The following CELF2 variants were observed in gnomAD, a reference collection of about 807,000 sequenced individuals.
CELF2 encodes the protein CUGBP Elav-like family member 2.
A neutral mutation model predicts 62.6 loss-of-function variants in CELF2; 8 were observed. The ratio of observed to expected loss-of-function variants is 0.13; its 90% CI spans 0.07 to 0.23. CELF2 has a LOEUF of 0.23. Ranked by LOEUF, CELF2 falls within the 10% of genes least tolerant of loss-of-function variation. The pLI is 1.00. For missense variants in CELF2, 333 were observed against 671.0 expected (o/e 0.50, Z 5.56); for synonymous variants, 258 against 250.0 (o/e 1.03, Z -0.30).
At chr10:10,687,365 G>A in the CELF2 span, among the ~76,000 whole-genome samples, 126 of 152,148 alleles carry the variant, frequency 8.3e-4, no homozygotes, top group Middle Eastern at 0.014. Flanking sequence ...CCTGTAAATG[G>A]GAACCTGGGA....
At chr10:10,653,257 C>G in the CELF2 span, among the ~76,000 whole-genome samples, 1 of 152,084 alleles carries the variant, frequency 6.6e-6, no homozygotes, top group Non-Finnish European at 1.5e-5. Flanking sequence ...GACTCCCACA[C>G]ATTCATAATG....
intron 5 of CELF2, among the ~76,000 whole-genome samples, chr10:11,262,940 CTTTTTT>C (rs553831640): frequency 0.086 from 4,550 of 52,774 alleles, 450 homozygotes; most frequent in African/African-American, 0.3. Context: ...AGTGGCTTTA[CTTTTTT>C]TTTTTTTTTT....
chr10:10,704,596 T>C, the CELF2 span, among the ~76,000 whole-genome samples: 1 of 152,162 alleles, frequency 6.6e-6, no homozygotes, highest in African/African-American at 2.4e-5. Context: ...AAAAGGCTGG[T>C]GATCAGCATC....
At chr10:10,781,772 CA>C in the CELF2 span, among the ~76,000 whole-genome samples, 8 of 152,290 alleles carry the variant, frequency 5.3e-5, no homozygotes, top group African/African-American at 1.9e-4. Flanking sequence ...CCCACAATGA[CA>C]AAATCACCTA....
the CELF2 span, among the ~76,000 whole-genome samples, chr10:10,475,429 C>T: frequency 6.6e-6 from 1 of 150,846 alleles, no homozygotes; most frequent in Non-Finnish European, 1.5e-5. Flanking sequence ...GACTTACCAA[C>T]ATCGCAATTA....
intron 3 of CELF2, among the ~76,000 whole-genome samples, chr10:11,230,519 G>A (rs961638358): frequency 3.3e-5 from 5 of 152,206 alleles, no homozygotes; most frequent in African/African-American, 9.6e-5. Flanking sequence ...GAGATCCTCT[G>A]GAGAGGCTGC....
chr10:10,615,676 G>A, the CELF2 span, among the ~76,000 whole-genome samples: 2 of 152,164 alleles, frequency 1.3e-5, no homozygotes, highest in Admixed American at 1.3e-4. Flanking sequence ...AGATCTGGTT[G>A]TTTAAAAGTG....
At chr10:10,465,746 G>A in the CELF2 span, among the ~76,000 whole-genome samples, 23 of 152,088 alleles carry the variant, frequency 1.5e-4, no homozygotes, top group Non-Finnish European at 2.5e-4. Context: ...CCATCCTAGT[G>A]GAAGATGGGT....
chr10:11,258,681 G>A (rs1031167542), intron 5 of CELF2, among the ~76,000 whole-genome samples: 3 of 152,178 alleles, frequency 2.0e-5, no homozygotes, highest in Non-Finnish European at 4.4e-5. Context: ...AGTCCAAGGT[G>A]GAAATGTATA....
chr10:10,573,249 ATTAAACCT>A, the CELF2 span, among the ~76,000 whole-genome samples: 1 of 152,178 alleles, frequency 6.6e-6, no homozygotes, highest in Non-Finnish European at 1.5e-5. Flanking sequence ...GATTCTGGAT[ATTAAACCT>A]TTGTCAGATG....
the CELF2 span, among the ~76,000 whole-genome samples, chr10:10,615,733 G>C: frequency 6.6e-6 from 1 of 152,138 alleles, no homozygotes; most frequent in Non-Finnish European, 1.5e-5. Flanking sequence ...CATGTAAGAT[G>C]TGCTTGCTTC....
intron 2 of CELF2, among the ~76,000 whole-genome samples, chr10:11,173,781 A>G (rs544473258): frequency 3.3e-5 from 5 of 152,336 alleles, no homozygotes; most frequent in Admixed American, 2.6e-4. Flanking sequence ...ACAGCCATGA[A>G]TAAGTACAGA....
intron 1 of CELF2, among the ~76,000 whole-genome samples, chr10:10,836,722 G>A (rs904741170): frequency 2.6e-5 from 4 of 152,186 alleles, no homozygotes; most frequent in Non-Finnish European, 5.9e-5. Flanking sequence ...TGCAACCTCT[G>A]CCTCCCAGGT....
intron 3 of CELF2, among the ~76,000 whole-genome samples, chr10:11,236,883 G>C (rs993178712): frequency 6.6e-6 from 1 of 152,240 alleles, no homozygotes; most frequent in Admixed American, 6.5e-5. Flanking sequence ...GGGGTTGCCT[G>C]ATTCCACTAG....
At chr10:10,636,165 A>G in the CELF2 span, among the ~76,000 whole-genome samples, 6 of 152,208 alleles carry the variant, frequency 3.9e-5, no homozygotes, top group Admixed American at 6.5e-5. Context: ...TCAATAATAT[A>G]TACACAAGAA....
Position 11,165,531 on chromosome 10 carries a change from C to A in CELF2, c.120C>A (p.Asp40Glu). 2.5e-6 allele frequency: 4 copies of A among 1,614,206 alleles called. No homozygotes were observed. The highest frequency in any genetic ancestry group is 3.4e-6 in the Non-Finnish European group (4 of 1,180,038). ...NKMNGALDHS[D>E]QPDPDAIKMF... is the part of the protein sequence containing the mutation. ...TGAACGGAGCTTTGGATCACTCAGA[C>A]CAACCAGACCCAGATGCCATTAAGA... The change falls in exon 2 of 13, where the codon GAC becomes GAA. Residue 40 changes from aspartate (D) to glutamate (E), a missense_variant. Around this residue, in one of 3 missense-constraint regions of CELF2, gnomAD observed 253 missense variants for 503.0 expected, o/e 0.50. Coordinates refer to ENST00000633077, the MANE Select transcript of CELF2 (RefSeq NM_001326342.2). The surrounding 1 kb of genome is among the most constrained non-coding windows in gnomAD (Gnocchi z 7.4).
At chr10:10,689,008 C>T in the CELF2 span, among the ~76,000 whole-genome samples, 2,661 of 151,388 alleles carry the variant, frequency 0.018, 40 homozygotes, top group African/African-American at 0.043. Flanking sequence ...TATCTCTCTC[C>T]TAAAAAAAAA....
At chr10:11,183,782 C>G (rs1474094090) in intron 2 of CELF2, among the ~76,000 whole-genome samples, 1 of 151,968 alleles carries the variant, frequency 6.6e-6, no homozygotes, top group Non-Finnish European at 1.5e-5. Flanking sequence ...GGGTTATTGC[C>G]TTATTGTTGA....
intron 1 of CELF2, among the ~76,000 whole-genome samples, chr10:10,826,002 C>G (rs2057360631): frequency 6.6e-6 from 1 of 152,168 alleles, no homozygotes; most frequent in South Asian, 2.1e-4. Flanking sequence ...CTTCAAATCT[C>G]TGATATTAAT....
Sources: gnomAD v4.1 joint callset for allele counts (sites outside exome capture counted in the v4.1 genomes callset) on GRCh38, gnomAD v4.1.1 for gene constraint, gnomAD v4.1.1 regional missense constraint, Gnocchi (gnomAD v3.1) non-coding constraint, MANE v1.5 for transcripts, NCBI Gene and HGNC (gene_info 2026-07-23, HGNC 2026-07-21) for gene names.